The following ZMIZ1 variants were observed in gnomAD, a reference collection of about 807,000 sequenced individuals.
The protein encoded by ZMIZ1 is zinc finger MIZ domain-containing protein 1.
A neutral mutation model predicts 113.9 loss-of-function variants in ZMIZ1; 17 were observed. That is an observed-to-expected ratio of 0.15 (90% CI 0.10 to 0.22). The LOEUF is 0.22. Among genes scored for constraint, ZMIZ1 ranks in the 10% least tolerant of loss-of-function variants. ZMIZ1 has a pLI of 1.00. For synonymous variants in ZMIZ1, 607 were observed against 603.1 expected (o/e 1.01, Z -0.09); for missense variants, 1,059 against 1,477.8 (o/e 0.72, Z 4.65).
intron 5 of ZMIZ1, among the ~76,000 whole-genome samples, chr10:79,206,615 G>A (rs1253950955): frequency 6.6e-6 from 1 of 152,224 alleles, no homozygotes; most frequent in African/African-American, 2.4e-5. Context: ...TCAAATGCAG[G>A]GAGCACTGCC....
chr10:79,245,444 G>A (rs1314276456), intron 7 of ZMIZ1, among the ~76,000 whole-genome samples: 7 of 152,220 alleles, frequency 4.6e-5, no homozygotes, highest in Admixed American at 4.6e-4. Flanking sequence ...GGCGGATGGT[G>A]GGTGCCCAGT....
At chr10:79,180,901 C>G (rs1564702615) in intron 4 of ZMIZ1, among the ~76,000 whole-genome samples, 1 of 152,252 alleles carries the variant, frequency 6.6e-6, no homozygotes, top group Non-Finnish European at 1.5e-5. Context: ...TCTCCCACCC[C>G]CAGCTTCTGC....
At chr10:79,215,770 G>C (rs7080141) in intron 6 of ZMIZ1, among the ~76,000 whole-genome samples, 4,178 of 152,102 alleles carry the variant, frequency 0.027, 181 homozygotes, top group African/African-American at 0.096. Flanking sequence ...GGGAGTTCCT[G>C]AGGGCCCAGG....
intron 4 of ZMIZ1, among the ~76,000 whole-genome samples, chr10:79,195,136 TCTC>T (rs1847782185): frequency 6.6e-6 from 1 of 152,192 alleles, no homozygotes; most frequent in African/African-American, 2.4e-5. Flanking sequence ...AAGCAGGCAT[TCTC>T]CTCTTGTGGG....
chr10:79,263,025 G>A (rs1851364882), intron 7 of ZMIZ1, among the ~76,000 whole-genome samples: 1 of 152,262 alleles, frequency 6.6e-6, no homozygotes, highest in East Asian at 1.9e-4. Context: ...GAATGGATAA[G>A]AGGGAAAACC....
chr10:79,271,905 G>A (rs1473847166), intron 7 of ZMIZ1, among the ~76,000 whole-genome samples: 5 of 152,146 alleles, frequency 3.3e-5, no homozygotes, highest in Admixed American at 1.3e-4. Flanking sequence ...CACACACGGC[G>A]CTGAGAGGCT....
At chr10:79,181,833 G>T (rs1213382053) in intron 4 of ZMIZ1, among the ~76,000 whole-genome samples, 2 of 152,178 alleles carry the variant, frequency 1.3e-5, no homozygotes, top group Non-Finnish European at 2.9e-5. Context: ...TGACTTGGCG[G>T]CTGCATGTCC....
intron 5 of ZMIZ1, among the ~76,000 whole-genome samples, chr10:79,207,203 G>A (rs1249915628): frequency 1.3e-5 from 2 of 152,198 alleles, no homozygotes; most frequent in African/African-American, 4.8e-5. Context: ...TGGAGGGACT[G>A]CCCTGGGTGG....
At chr10:79,272,918 G>A (rs1007148553) in intron 7 of ZMIZ1, among the ~76,000 whole-genome samples, 3 of 152,244 alleles carry the variant, frequency 2.0e-5, no homozygotes, top group Admixed American at 2.0e-4. Context: ...ACCATGAGGT[G>A]AGCTGGAAGG....
intron 3 of ZMIZ1, among the ~76,000 whole-genome samples, chr10:79,142,137 C>T (rs983231638): frequency 2.0e-5 from 3 of 152,130 alleles, no homozygotes; most frequent in African/African-American, 7.2e-5. Flanking sequence ...CAGCCAGGGA[C>T]AATGGCCGGG....
chr10:79,292,848 G>GA (rs1853592356), intron 11 of ZMIZ1: 1 of 462,956 alleles, frequency 2.2e-6, no homozygotes, highest in South Asian at 1.5e-5. Flanking sequence ...GCCCCCATAG[G>GA]AATGCAGAAC....
intron 5 of ZMIZ1, among the ~76,000 whole-genome samples, chr10:79,207,606 T>G (rs1333602890): frequency 1.3e-5 from 2 of 152,192 alleles, no homozygotes; most frequent in African/African-American, 4.8e-5. Context: ...ACTCAGACTC[T>G]GCCTGGCAGG....
At chr10:79,153,580 G>A (rs980931601) in intron 3 of ZMIZ1, among the ~76,000 whole-genome samples, 3 of 152,254 alleles carry the variant, frequency 2.0e-5, no homozygotes, top group Non-Finnish European at 2.9e-5. Context: ...GTCCTTGCGG[G>A]AGAGACCTGA....
chr10:79,070,269 G>T (rs939915549), intron 1 of ZMIZ1, among the ~76,000 whole-genome samples: 15 of 151,922 alleles, frequency 9.9e-5, no homozygotes, highest in Admixed American at 1.3e-4. Context: ...TCGCCCCCTC[G>T]CTGGGGACAT....
chr10:79,310,836 G>A (rs1855098713), intron 23 of ZMIZ1, 88 bp from the exon 24 acceptor site: 1 of 1,442,196 alleles, frequency 6.9e-7, no homozygotes, highest in Non-Finnish European at 9.3e-7. Flanking sequence ...TGACTTCCCT[G>A]GTTGTGTTGG....
At chr10:79,153,220 C>T (rs1845776582) in intron 3 of ZMIZ1, among the ~76,000 whole-genome samples, 1 of 152,230 alleles carries the variant, frequency 6.6e-6, no homozygotes, top group African/African-American at 2.4e-5. Context: ...CAGATGCTGG[C>T]TCAAACAGGG....
intron 4 of ZMIZ1, among the ~76,000 whole-genome samples, chr10:79,167,154 A>G (rs921019865): frequency 6.6e-6 from 1 of 152,222 alleles, no homozygotes; most frequent in African/African-American, 2.4e-5. Flanking sequence ...TTCCCTGGAC[A>G]GGCCTCCTAA....
chr10:79,173,942 A>G (rs1846708556), intron 4 of ZMIZ1, among the ~76,000 whole-genome samples: 1 of 152,100 alleles, frequency 6.6e-6, no homozygotes, highest in Non-Finnish European at 1.5e-5. Context: ...ACCCCTGCCA[A>G]CCAGAAAGAT....
At chr10:79,242,856 G>T (rs962841385) in intron 7 of ZMIZ1, among the ~76,000 whole-genome samples, 1 of 152,106 alleles carries the variant, frequency 6.6e-6, no homozygotes, top group East Asian at 1.9e-4. Flanking sequence ...GCTCGGCAGC[G>T]GCGTGCACCA....
Sources: gnomAD v4.1 joint callset for allele counts (sites outside exome capture counted in the v4.1 genomes callset) on GRCh38, gnomAD v4.1.1 for gene constraint, MANE v1.5 for transcripts, NCBI Gene and HGNC (gene_info 2026-07-23, HGNC 2026-07-21) for gene names.